The following SGCZ variants were observed in gnomAD, a reference collection of about 807,000 sequenced individuals.
SGCZ encodes the protein zeta-sarcoglycan.
In SGCZ, 40 loss-of-function variants were observed where a neutral mutation model predicts 41.3. The ratio of observed to expected loss-of-function variants is 0.97; its 90% confidence interval spans 0.75 to 1.26. The LOEUF is 1.26. Among genes scored for constraint, SGCZ ranks in the 50% most tolerant of loss-of-function variants. The pLI, the probability that SGCZ is intolerant of heterozygous loss-of-function variation, is 0.00. For synonymous variants in SGCZ, 206 were observed against 137.5 expected, an observed-to-expected ratio of 1.50 and a Z score of -3.49; for missense variants, 552 against 369.8, an observed-to-expected ratio of 1.49 and a Z score of -4.04.
chr8:15,008,527 G>A (rs973935919), intron 1 of SGCZ, among the ~76,000 whole-genome samples: 8 of 35,674 alleles, frequency 2.2e-4, no homozygotes, highest in African/African-American at 8.7e-4. Flanking sequence ...ATAAAGGGAG[G>A]GAAGGAAGGA....
chr8:14,891,193 T>C (rs747169527), intron 1 of SGCZ, among the ~76,000 whole-genome samples: 2 of 152,236 alleles, frequency 1.3e-5, no homozygotes, highest in African/African-American at 2.4e-5. Context: ...TGTAAGGCTA[T>C]AGTTGTCACA....
At chr8:14,350,508 C>T (rs1414694649) in intron 2 of SGCZ, among the ~76,000 whole-genome samples, 3 of 152,046 alleles carry the variant, frequency 2.0e-5, no homozygotes, top group African/African-American at 7.2e-5. Context: ...AATCCCTTTC[C>T]AGGAATTGCC....
chr8:14,247,540 T>G (rs1486181773), intron 3 of SGCZ, among the ~76,000 whole-genome samples: 2 of 152,210 alleles, frequency 1.3e-5, no homozygotes, highest in Non-Finnish European at 2.9e-5. Context: ...TAAAAGGGAA[T>G]AGTACTATCT....
chr8:14,104,169 T>C (rs1471451214), intron 6 of SGCZ, among the ~76,000 whole-genome samples: 1 of 152,180 alleles, frequency 6.6e-6, no homozygotes, highest in Non-Finnish European at 1.5e-5. Context: ...GTACTACTTG[T>C]GGATTTCTAT....
At chr8:14,241,436 T>C (rs979852611) in intron 3 of SGCZ, among the ~76,000 whole-genome samples, 19 of 148,570 alleles carry the variant, frequency 1.3e-4, no homozygotes, top group African/African-American at 4.6e-4. Flanking sequence ...GATAAGCTAG[T>C]ATAAATATAT....
intron 1 of SGCZ, among the ~76,000 whole-genome samples, chr8:14,867,607 G>A (rs1803979955): frequency 6.6e-6 from 1 of 152,056 alleles, no homozygotes; most frequent in Non-Finnish European, 1.5e-5. Flanking sequence ...AACCTCGCCA[G>A]CATCTGTTAT....
At chr8:14,268,845 A>G (rs1315044009) in intron 3 of SGCZ, among the ~76,000 whole-genome samples, 2 of 151,902 alleles carry the variant, frequency 1.3e-5, no homozygotes, top group Admixed American at 1.3e-4. Flanking sequence ...GAAGTATGTT[A>G]AAAACGTATT....
At chr8:14,299,093 G>C (rs1385865074) in intron 3 of SGCZ, among the ~76,000 whole-genome samples, 3 of 151,922 alleles carry the variant, frequency 2.0e-5, no homozygotes, top group African/African-American at 4.8e-5. Context: ...AATGGAGAAA[G>C]AAAAGTCTTT....
At chr8:15,237,411 G>A (rs1802169888) in intron 1 of SGCZ, among the ~76,000 whole-genome samples, 174 bp downstream of exon 1, 1 of 152,186 alleles carries the variant, frequency 6.6e-6, no homozygotes, top group African/African-American at 2.4e-5. Flanking sequence ...ACCACCCTCC[G>A]TGTCCTCGGC....
chr8:15,124,110 C>T (rs1027851187), intron 1 of SGCZ, among the ~76,000 whole-genome samples: 12 of 152,060 alleles, frequency 7.9e-5, no homozygotes, highest in South Asian at 2.1e-4. Flanking sequence ...ATGACAACTC[C>T]GGCTGTGATG....
At chr8:14,940,139 A>G (rs985959088) in intron 1 of SGCZ, among the ~76,000 whole-genome samples, 8 of 152,158 alleles carry the variant, frequency 5.3e-5, no homozygotes, top group African/African-American at 1.7e-4. Flanking sequence ...GAAATCAGTG[A>G]TAATCAAAAG....
At chr8:14,509,075 T>C (rs965067436) in intron 2 of SGCZ, among the ~76,000 whole-genome samples, 1 of 152,098 alleles carries the variant, frequency 6.6e-6, no homozygotes, top group African/African-American at 2.4e-5. Flanking sequence ...GGGATTAACA[T>C]AATAGAGAAA....
intron 4 of SGCZ, among the ~76,000 whole-genome samples, chr8:14,191,414 T>G (rs747488354): frequency 2.0e-5 from 3 of 152,188 alleles, no homozygotes; most frequent in Non-Finnish European, 4.4e-5. Flanking sequence ...CCAAGGTTAA[T>G]GTCAAAGAGT....
At chr8:14,889,460 A>G (rs1008337598) in intron 1 of SGCZ, among the ~76,000 whole-genome samples, 3 of 152,200 alleles carry the variant, frequency 2.0e-5, no homozygotes, top group Non-Finnish European at 4.4e-5. Context: ...TGTTATATTA[A>G]TGTATTAAGT....
intron 7 of SGCZ, among the ~76,000 whole-genome samples, chr8:14,095,361 C>A (rs778743798): frequency 2.3e-4 from 35 of 152,182 alleles, no homozygotes; most frequent in Non-Finnish European, 4.4e-4. Context: ...GTTTTCCCAA[C>A]ACCATTTATT....
intron 2 of SGCZ, among the ~76,000 whole-genome samples, chr8:14,336,418 T>G (rs972039947): frequency 1.1e-4 from 16 of 152,172 alleles, no homozygotes. Flanking sequence ...CATGTGTCTT[T>G]ATGATAGAAT....
At chr8:14,838,296 G>C in intron 1 of SGCZ, among the ~76,000 whole-genome samples, 1 of 152,090 alleles carries the variant, frequency 6.6e-6, no homozygotes, top group South Asian at 2.1e-4. Context: ...ATATTTTGAT[G>C]TTTGGTATCT....
chr8:14,893,953 C>A (rs1805109010), intron 1 of SGCZ, among the ~76,000 whole-genome samples: 1 of 152,116 alleles, frequency 6.6e-6, no homozygotes, highest in African/African-American at 2.4e-5. Context: ...ATTCTAAATT[C>A]TATGCTGTTT....
intron 1 of SGCZ, among the ~76,000 whole-genome samples, chr8:15,234,443 C>A (rs578173612): frequency 6.6e-6 from 1 of 152,258 alleles, no homozygotes; most frequent in African/African-American, 2.4e-5. Context: ...AAACAGAGAT[C>A]AAAGGGAAAA....
Sources: allele counts gnomAD v4.1 joint callset (sites outside exome capture counted in the v4.1 genomes callset), GRCh38; gene constraint gnomAD v4.1.1; transcripts MANE v1.5; gene names NCBI Gene and HGNC (gene_info 2026-07-23, HGNC 2026-07-21).